Variants in FXYD1 observed in about 807,000 individuals in gnomAD.
FXYD1 encodes the protein FXYD domain containing ion transport regulator 1.
FXYD1 carries 9 observed loss-of-function variants against 17.2 expected under a neutral mutation model. The ratio of observed to expected loss-of-function variants is 0.52; its 90% CI spans 0.32 to 0.91. The LOEUF (loss-of-function observed/expected upper bound fraction) is 0.91, where lower values mean the gene tolerates loss of function less well. Among genes scored for constraint, FXYD1 ranks in the 40% least tolerant of loss-of-function variants. The pLI is 0.04. For synonymous variants in FXYD1, 55 were observed against 45.8 expected, an observed-to-expected ratio of 1.20 and a Z score of -0.81; for missense variants, 113 against 120.6, an observed-to-expected ratio of 0.94 and a Z score of 0.29.
Position 35,143,008 on chromosome 19 carries a change from C to T in FXYD1, c.*121C>T. 1.7e-6 allele frequency: 1 copy of T among 574,426 alleles called. No individual in the cohort carries two copies. Among genetic ancestry groups the T allele is most frequent in the Non-Finnish European group, 3.1e-6 (1 of 324,516 alleles). The allele number at this position is 574,426 out of a possible 1,614,324, so 35.6% of individuals were successfully genotyped here. Reference sequence around the variant, plus strand: ...TCCCCAGCCCTGCCCCCGCAGACTCCCCCTGCCGCCAAGACTTCCAATAAA... The same window carrying T: ...TCCCCAGCCCTGCCCCCGCAGACTCTCCCTGCCGCCAAGACTTCCAATAAA... On this transcript the variant is annotated 3_prime_UTR_variant, in exon 8 of 8. Transcript: ENST00000351325. The surrounding 1 kb of genome is among the most constrained non-coding windows in gnomAD (Gnocchi z 4.3).
Position 35,141,093 on chromosome 19 carries a change from T to C in FXYD1, c.95-39T>C, listed in dbSNP as rs377406329. ...TACCCCTCTCCTATTCTCCCTCCTG[T>C]CTTCCCTGCCCTCACCTTCCCTGCT... On this transcript the variant is annotated intron_variant, in intron 3 of 7. Transcript: ENST00000351325. The C allele has an allele frequency of 5.3e-6, 7 of 1,321,926 alleles. No homozygotes were observed. In the South Asian group the frequency reaches 8.2e-5, roughly 16 times the overall value. The allele number at this position is 1,321,926 out of a possible 1,614,324, so 81.9% of individuals were successfully genotyped here. A position where few individuals can be genotyped will look rare whatever the true frequency, so the allele number is the denominator to read the frequency against.
In FXYD1 at chr19:35,140,153, G is replaced by A. The variant is rs771965781; in HGVS notation, c.61+13G>A. On this transcript the variant is annotated intron_variant, in intron 2 of 7. Coordinates refer to ENST00000351325, the MANE Select transcript of FXYD1 (RefSeq NM_021902.4). ...ATGGCCAAGGCAGGTGAGTGCAGGG[G>A]AGGCTGCCCGCTACCCACCTCAGCC... 4.2e-6 allele frequency: 6 copies of A among 1,412,286 alleles called. No individual in the cohort carries two copies. The South Asian group carries it at 4.6e-5, about 11-fold the overall frequency. 87.5% of individuals were successfully genotyped at this position (1,412,286 alleles called of 1,614,324 possible). A position where few individuals can be genotyped will look rare whatever the true frequency, so the allele number is the denominator to read the frequency against.
rs1437397249 is a variant in FXYD1, at chr19:35,141,547, C to G, written c.181C>G (p.Arg61Gly). The G allele has an allele frequency of 3.1e-6, 5 of 1,610,910 alleles. No individual in the cohort carries two copies. The highest frequency in any genetic ancestry group is 1.1e-5 in the South Asian group (1 of 90,704). The change falls in exon 5 of 8, where the codon CGG (arginine) becomes GGG (glycine). Residue 61 changes from arginine to glycine, a missense_variant. Arg to Gly is a moderately radical substitution (Grantham distance 125). Transcript: ENST00000351325. ...CTCCACGCCCACAGGCAGAAGATGCCGGTGCAAGTTCAACCAGCAGCAGAG... is the reference window on the plus strand; with the variant it reads ...CTCCACGCCCACAGGCAGAAGATGCGGGTGCAAGTTCAACCAGCAGCAGAG... ...GILIVLSRRC[R>G]CKFNQQQRTG...
At chr19:35,139,825 G>A (rs546514031) in intron 1 of FXYD1, 14 of 435,908 alleles carry the variant, frequency 3.2e-5, no homozygotes, top group African/African-American at 1.4e-4. Flanking sequence ...GAGGCCCCCC[G>A]GGGACTGTGT....
rs1022339971 is a variant in FXYD1, at chr19:35,142,918, A to G, written c.*31A>G. On this transcript the variant is annotated splice_region_variant and 3_prime_UTR_variant, in exon 8 of 8. Transcript: ENST00000351325. ...CTCTCACCCTTTTCACCCTCACAGG[A>G]CTCCCCTGGCACCTGACATCTCCCA... 6.2e-6 allele frequency: 4 copies of G among 647,140 alleles called. No individual in the cohort carries two copies. The highest frequency in any genetic ancestry group is 8.4e-6 in the Non-Finnish European group (3 of 358,678). The allele number at this position is 647,140 out of a possible 1,614,324, so 40.1% of individuals were successfully genotyped here.
At chr19:35,140,220 C>T in intron 2 of FXYD1, 80 bp downstream of exon 2, 3 of 835,704 alleles carry the variant, frequency 3.6e-6, no homozygotes, top group Non-Finnish European at 6.3e-6. Context: ...GTTGGAGACC[C>T]CAACCTAGAC....
chr19:35,137,999 C>T (rs1026302641), upstream of FXYD1: 2 of 152,182 alleles, frequency 1.3e-5, no homozygotes, highest in Non-Finnish European at 2.9e-5. Flanking sequence ...TCTGTATGGC[C>T]ATTTGTGGGT....
chr19:35,141,542 G>A lies in FXYD1; in HGVS notation c.176G>A (p.Arg59Lys). Residue 59 changes from arginine to lysine, a missense_variant, in exon 5 of 8, where the codon AGA becomes AAA. Coordinates refer to ENST00000351325, the MANE Select transcript of FXYD1 (RefSeq NM_021902.4). ...ILGILIVLSR[R>K]CRCKFNQQQR... Reference sequence around the variant, plus strand: ...TACCTCTCCACGCCCACAGGCAGAAGATGCCGGTGCAAGTTCAACCAGCAG... The same window carrying A: ...TACCTCTCCACGCCCACAGGCAGAAAATGCCGGTGCAAGTTCAACCAGCAG... 4.3e-6 allele frequency: 7 copies of A among 1,610,460 alleles called. No individual in the cohort carries two copies. The highest frequency in any genetic ancestry group is 2.2e-5 in the South Asian group (2 of 90,664).
At position 35,141,528 on chromosome 19, in the gene FXYD1, G is replaced by A; in HGVS notation, c.170-8G>A. Reference sequence around the variant, plus strand: ...GCCTCAGCTTCTCCTACCTCTCCACGCCCACAGGCAGAAGATGCCGGTGCA... The same window carrying A: ...GCCTCAGCTTCTCCTACCTCTCCACACCCACAGGCAGAAGATGCCGGTGCA... On this transcript the variant is annotated splice_polypyrimidine_tract_variant and splice_region_variant and intron_variant, in intron 4 of 7. Coordinates refer to ENST00000351325, the MANE Select transcript of FXYD1 (RefSeq NM_021902.4). 1 of 1,608,030 alleles carries A rather than the reference G, an allele frequency of 6.2e-7. No individual in the cohort carries two copies. The highest frequency in any genetic ancestry group is 8.5e-7 in the Non-Finnish European group (1 of 1,177,310).
intron 6 of FXYD1, 45 bp from the exon 7 acceptor site, chr19:35,142,675 G>T: frequency 6.2e-7 from 1 of 1,608,452 alleles, no homozygotes; most frequent in Admixed American, 1.7e-5. Flanking sequence ...CCAGGAGCTG[G>T]GGATGCCTCT....
At chr19:35,140,821 G>A in intron 3 of FXYD1, 192 bp downstream of exon 3, 1 of 605,490 alleles carries the variant, frequency 1.7e-6, no homozygotes, top group East Asian at 2.8e-5. Context: ...CACTGTCTAT[G>A]TGATACCTCT....
intron 1 of FXYD1, 187 bp downstream of exon 1, chr19:35,139,081 G>T (rs544024464): frequency 6.6e-5 from 10 of 152,498 alleles, no homozygotes; most frequent in African/African-American, 2.2e-4. Context: ...GCTGGTGCGT[G>T]TGCACCCTGG....
Position 35,143,052 on chromosome 19 carries a change from A to C in FXYD1, c.*165A>C, listed in dbSNP as rs2065272417. The C allele has an allele frequency of 5.5e-6, 3 of 541,572 alleles. No homozygotes were observed. The South Asian group carries it at 6.5e-5, about 12-fold the overall frequency. 33.5% of individuals were successfully genotyped at this position (541,572 alleles called of 1,614,324 possible). On this transcript the variant is annotated 3_prime_UTR_variant, in exon 8 of 8. Coordinates refer to ENST00000351325, the MANE Select transcript of FXYD1 (RefSeq NM_021902.4). The surrounding 1 kb of genome is among the most constrained non-coding windows in gnomAD (Gnocchi z 4.3). ...CAATAAAACGTGCGTTCCTCTCGAC[A>C]GCACTTTGTCGGTCTCGGTCCCTCA...
chr19:35,141,329 T>C (rs968326262), intron 4 of FXYD1, 123 bp downstream of exon 4: 14 of 382,610 alleles, frequency 3.7e-5, no homozygotes, highest in Non-Finnish European at 6.0e-5. Context: ...TTCTCCCTGG[T>C]CCCGCCCCTC....
In FXYD1 at chr19:35,141,148, G is replaced by A. The variant is rs2065248188; in HGVS notation, c.111G>A (p.Gln37=). The A allele has an allele frequency of 6.2e-7, 1 of 1,609,232 alleles. No individual in the cohort carries two copies. Among genetic ancestry groups the A allele is most frequent in the South Asian group, 1.1e-5 (1 of 90,950 alleles). Residue 37 remains glutamine (Q), a synonymous_variant, in exon 4 of 8, where the codon CAG becomes CAA. Transcript: ENST00000351325. ...DPFTYDYQSL[Q]IGGLVIAGIL... ...TGCTCACAGACTACCAGTCCCTGCA[G>A]ATCGGAGGCCTCGTCATCGCCGGGA... is the stretch of plus-strand genomic sequence containing the variant.
rs191645987 is a variant in FXYD1 at position 35,139,958 on chromosome 19, A to G, written c.-4-118A>G. On this transcript the variant is annotated intron_variant, in intron 1 of 7. Coordinates refer to ENST00000351325, the MANE Select transcript of FXYD1 (RefSeq NM_021902.4). Reference sequence around the variant, plus strand: ...TTCTCTAGCTTGGAGCCACCAAGATAGAGGACAAACACTTCTGTGATTCAG... The same window carrying G: ...TTCTCTAGCTTGGAGCCACCAAGATGGAGGACAAACACTTCTGTGATTCAG... The G allele has an allele frequency of 1.1e-4, 94 of 872,668 alleles. No individual in the cohort carries two copies. The Middle Eastern group carries it at 5.4e-3, about 50-fold the overall frequency. 54.1% of individuals were successfully genotyped at this position (872,668 alleles called of 1,614,324 possible).
chr19:35,141,475 A>G (rs2065254682), intron 4 of FXYD1, 61 bp from the exon 5 acceptor site: 2 of 1,418,490 alleles, frequency 1.4e-6, no homozygotes, highest in South Asian at 2.4e-5. Context: ...CTGGAGCTAC[A>G]GCGCCGCTTG....
chr19:35,140,730 T>G, intron 3 of FXYD1, 101 bp downstream of exon 3: 34 of 913,886 alleles, frequency 3.7e-5, no homozygotes, highest in Non-Finnish European at 5.5e-5. Context: ...TTGATATCTC[T>G]GTCATTCTCC....
intron 4 of FXYD1, 114 bp from the exon 5 acceptor site, chr19:35,141,422 A>C: frequency 1.1e-6 from 1 of 873,702 alleles, no homozygotes; most frequent in Non-Finnish European, 1.8e-6. Context: ...TCTCGCCTCT[A>C]GCCCCGCCCC....
Sources: allele counts gnomAD v4.1 joint callset, GRCh38; gene constraint gnomAD v4.1.1; non-coding constraint Gnocchi (gnomAD v3.1); transcripts MANE v1.5; gene names NCBI Gene and HGNC (gene_info 2026-07-23, HGNC 2026-07-21).